Variants in FAT2 observed in about 807,000 individuals in gnomAD.
FAT2 encodes the protein protocadherin Fat 2.
A neutral mutation model predicts 295.3 loss-of-function variants in FAT2; 150 were observed. The observed-to-expected ratio is 0.51, with a 90% confidence interval of 0.44 to 0.58. The LOEUF (loss-of-function observed/expected upper bound fraction) is 0.58. FAT2 is among the 20% of genes least tolerant of loss of function. The pLI is 0.00. For missense variants in FAT2, 4,868 were observed against 5,442.7 expected, an observed-to-expected ratio of 0.89 and a Z score of 3.32; for synonymous variants, 2,026 against 2,150.3, an observed-to-expected ratio of 0.94 and a Z score of 1.60.
Position 151,578,199 on chromosome 5 carries a change from G to A in FAT2, c.-20-9248C>T, listed in dbSNP as rs1027333849. ...GACTAGAAAGCTTCTTTCAGATGGA[G>A]AAGAGAACAAAATGCAAAGGCCAGA... On this transcript the variant is annotated intron_variant, in intron 1 of 23. Coordinates refer to ENST00000261800, the MANE Select transcript of FAT2 (RefSeq NM_001447.3). Among the ~76,000 whole-genome samples the A allele has an allele frequency of 9.2e-5, 14 of 152,146 alleles. 1 individual carries two copies. The highest frequency in any genetic ancestry group is 2.7e-4 in the African/African-American group (11 of 41,422).
chr5:151,528,107 G>A lies in FAT2; in HGVS notation c.10053C>T (p.Pro3351=), dbSNP rs149321423. ...LTVSATDEDG[P]LNSDITYSLI... The stretch of plus-strand genomic sequence containing the variant: ...GGCTATAGGTAATGTCACTATTTAG[G>A]GGTCCATCTTCATCAGTCGCTGATA... Residue 3351 remains proline (P), a synonymous_variant, in exon 16 of 24, where the codon CCC becomes CCT. Coordinates refer to ENST00000261800, the MANE Select transcript of FAT2 (RefSeq NM_001447.3). The A allele has an allele frequency of 3.2e-5, 51 of 1,613,976 alleles. No individual in the cohort carries two copies. The highest frequency in any genetic ancestry group is 3.8e-5 in the Non-Finnish European group (45 of 1,179,998).
At chr5:151,582,927 C>T (rs1759015868) in intron 1 of FAT2, among the ~76,000 whole-genome samples, 1 of 152,012 alleles carries the variant, frequency 6.6e-6, no homozygotes, top group Non-Finnish European at 1.5e-5. Context: ...GAAGAGCAGA[C>T]GGGAGAGGGA....
At chr5:151,533,393 A>ACACACAC (rs1754871088) in intron 13 of FAT2, among the ~76,000 whole-genome samples, 1 of 132,114 alleles carries the variant, frequency 7.6e-6, no homozygotes, top group Non-Finnish European at 1.6e-5. Flanking sequence ...TGTTATCTCC[A>ACACACAC]ACACACACAC....
At chr5:151,509,937 C>T (rs1761189893) in intron 22 of FAT2, 84 bp downstream of exon 22, 10 of 1,494,402 alleles carry the variant, frequency 6.7e-6, no homozygotes, top group Non-Finnish European at 9.2e-6. Flanking sequence ...CTCCCCTGGC[C>T]TCCCATTGGA....
Position 151,563,175 on chromosome 5 carries a change from C to A in FAT2, c.3574+150G>T, listed in dbSNP as rs1446001550. 22 of 699,380 alleles carry A rather than the reference C, an allele frequency of 3.1e-5. No individual in the cohort carries two copies. In the East Asian group the frequency reaches 5.9e-4, roughly 19 times the overall value. 43.3% of individuals were successfully genotyped at this position (699,380 alleles called of 1,614,324 possible). On this transcript the variant is annotated intron_variant, in intron 3 of 23. Transcript: ENST00000261800. ...TGAAAACACGGATTGCTGGGCCTCA[C>A]CCTCGAAATTTTGATTCAGTGGATT... is the stretch of plus-strand genomic sequence containing the variant.
At chr5:151,538,047 G>T in intron 11 of FAT2, 101 bp from the exon 12 acceptor site, 1 of 988,958 alleles carries the variant, frequency 1.0e-6, no homozygotes, top group South Asian at 1.8e-5. Flanking sequence ...CAGAAAGAGA[G>T]ACACTAAGAG....
chr5:151,537,705 T>G, intron 12 of FAT2, 88 bp downstream of exon 12: 3 of 1,340,968 alleles, frequency 2.2e-6, no homozygotes, highest in Non-Finnish European at 3.1e-6. Context: ...GAATTCCTGT[T>G]TCTTCTCCAA....
chr5:151,557,098 G>A (rs772395662), intron 3 of FAT2, among the ~76,000 whole-genome samples: 13 of 152,150 alleles, frequency 8.5e-5, no homozygotes, highest in Non-Finnish European at 1.5e-4. Context: ...GTTGCCAGCT[G>A]GAAGCAACCA....
At chr5:151,533,317 A>T (rs938008350) in intron 13 of FAT2, among the ~76,000 whole-genome samples, 1 of 151,530 alleles carries the variant, frequency 6.6e-6, no homozygotes, top group Admixed American at 6.6e-5. Flanking sequence ...TCCAGCTCTG[A>T]TGTATTCCAG....
intron 12 of FAT2, among the ~76,000 whole-genome samples, chr5:151,536,573 C>T (rs1160464866): frequency 1.3e-5 from 2 of 152,200 alleles, no homozygotes; most frequent in South Asian, 4.1e-4. Context: ...AAGTCCACTC[C>T]ACCAGACTCT....
chr5:151,504,805 T>C lies in FAT2; in HGVS notation c.*760A>G, dbSNP rs574766417. On this transcript the variant is annotated 3_prime_UTR_variant, in exon 24 of 24. Transcript: ENST00000261800. ...TTCTTTAACAAAGAAGGTTCAGAGCTGTGTAGACTCCTGGCAGGCCCTGAC... is the reference window on the plus strand; with the variant it reads ...TTCTTTAACAAAGAAGGTTCAGAGCCGTGTAGACTCCTGGCAGGCCCTGAC... The C allele has an allele frequency of 6.6e-6, 1 of 152,624 alleles. No individual in the cohort carries two copies. The highest frequency in any genetic ancestry group is 1.5e-5 in the Non-Finnish European group (1 of 68,060). The allele number at this position is 152,624 out of a possible 1,614,324, so 9.5% of individuals were successfully genotyped here. A position where few individuals can be genotyped will look rare whatever the true frequency, so the allele number is the denominator to read the frequency against.
rs1294087270 is a variant in FAT2, at chr5:151,544,628, A to G, written c.6499T>C (p.Ser2167Pro). 3 of 1,614,052 alleles carry G rather than the reference A, an allele frequency of 1.9e-6. No individual in the cohort carries two copies. The highest frequency in any genetic ancestry group is 2.5e-6 in the Non-Finnish European group (3 of 1,180,014). The part of the protein sequence containing the change: ...EEVLVTVRNK[S>P]NPLFQSPYYK... Reference sequence around the variant, plus strand: ...TAAGGACTCTGAAACAGTGGGTTGGATTTATTTCTCACAGTGACAAGTACC... The same window carrying G: ...TAAGGACTCTGAAACAGTGGGTTGGGTTTATTTCTCACAGTGACAAGTACC... The change falls in exon 10 of 24, where the codon TCC becomes CCC. Residue 2167 changes from serine to proline, a missense_variant. Ser to Pro is a moderately conservative substitution (Grantham distance 74). Around this residue, in one of 5 missense-constraint regions of FAT2, gnomAD observed 3,297 missense variants for 3,669.4 expected, o/e 0.90. Transcript: ENST00000261800.
At chr5:151,560,904 G>A (rs774922876) in intron 3 of FAT2, among the ~76,000 whole-genome samples, 2 of 152,210 alleles carry the variant, frequency 1.3e-5, no homozygotes, top group Non-Finnish European at 2.9e-5. Flanking sequence ...AGCTCCTACT[G>A]TGTGACAGGT....
rs1217268053 is a variant in FAT2 at position 151,568,440 on chromosome 5, C to G, written c.492G>C (p.Lys164Asn). 3 of 1,614,186 alleles carry G rather than the reference C, an allele frequency of 1.9e-6. No individual in the cohort carries two copies. The highest frequency in any genetic ancestry group is 2.5e-6 in the Non-Finnish European group (3 of 1,180,036). ...TGGCAGTCACCTTGCAGATGGGGCT[C>G]TTCAGGGGCATGTCCTCAGAGATGG... The part of the protein sequence containing the change: ...RVTISEDMPL[K>N]SPICKVTATD... Residue 164 changes from lysine to asparagine, a missense_variant, in exon 2 of 24, where the codon AAG (lysine) becomes AAC (asparagine). Lys to Asn is a moderately conservative substitution (Grantham distance 94). Coordinates refer to ENST00000261800, the MANE Select transcript of FAT2 (RefSeq NM_001447.3).
In FAT2 at chr5:151,505,871, C is replaced by T. The variant is rs1291864051; in HGVS notation, c.12744G>A (p.Leu4248=). The part of the protein sequence containing the change: ...PLPPRYSNQN[L]EDLMPSRPPS... ...GGGGCCGAGAGGGCATCAGATCTTC[C>T]AGGTTCTGGTTGCTGTAACGGGGTG... The change falls in exon 24 of 24, where the codon CTG becomes CTA. Residue 4248 remains leucine (L), a synonymous_variant. Transcript: ENST00000261800. 1 of 1,607,038 alleles carries T rather than the reference C, an allele frequency of 6.2e-7. No homozygotes were observed. The highest frequency in any genetic ancestry group is 8.5e-7 in the Non-Finnish European group (1 of 1,178,004).
At position 151,545,413 on chromosome 5, in the gene FAT2, T is replaced by C; in HGVS notation, c.5714A>G (p.Tyr1905Cys). ...ATCAGCATTGCCAGTTTTGATGCTA[T>C]AATTGACTTCTGAGTCTTCATCGCT... ...RASDEDSEVN[Y>C]SIKTGNADEA... The change falls in exon 10 of 24, where the codon TAT (tyrosine) becomes TGT (cysteine). Residue 1905 changes from tyrosine to cysteine, a missense_variant. Tyr to Cys is a radical substitution (Grantham distance 194). Transcript: ENST00000261800. The C allele has an allele frequency of 9.9e-6, 16 of 1,614,196 alleles. No homozygotes were observed. Among genetic ancestry groups the C allele is most frequent in the Non-Finnish European group, 1.3e-5 (15 of 1,180,030 alleles).
chr5:151,592,387 C>T (rs893581300), upstream of FAT2, among the ~76,000 whole-genome samples: 5 of 152,190 alleles, frequency 3.3e-5, no homozygotes, highest in Admixed American at 6.5e-5. Context: ...GCTCCTGCCC[C>T]ACAAAACTGA....
chr5:151,550,931 C>A, intron 7 of FAT2, 60 bp from the exon 8 acceptor site: 2 of 1,505,882 alleles, frequency 1.3e-6, no homozygotes, highest in South Asian at 1.2e-5. Flanking sequence ...GGGACTGGGT[C>A]TGTCTGGACC....
rs1561837155 is a variant in FAT2, at chr5:151,533,396, ACAC to A, written c.9427+1010_9427+1012del. On this transcript the variant is annotated intron_variant, in intron 13 of 23. Transcript: ENST00000261800. The stretch of plus-strand genomic sequence containing the variant: ...TCCACTTGCACTTGTTATCTCCAAC[ACAC>A]ACACACACACACACACACACACACA... 8.0e-3 allele frequency among the ~76,000 whole-genome samples: 564 copies of A among 70,208 alleles called. 7 individuals are homozygous for A. The highest frequency in any genetic ancestry group is 0.041 in the African/African-American group (466 of 11,406). The allele number at this position is 70,208 out of a possible 152,430, so 46.1% of individuals were successfully genotyped here.
Sources: allele counts gnomAD v4.1 joint callset (sites outside exome capture counted in the v4.1 genomes callset), GRCh38; gene constraint gnomAD v4.1.1; regional missense constraint gnomAD v4.1.1; transcripts MANE v1.5; gene names NCBI Gene and HGNC (gene_info 2026-07-23, HGNC 2026-07-21).